OR51E2: variants seen among roughly 807,000 people sequenced by gnomAD.
The protein encoded by OR51E2 is olfactory receptor 51E2.
OR51E2 carries 14 observed loss-of-function variants against 13.7 expected under a neutral mutation model. That is an observed-to-expected ratio of 1.02 (90% CI 0.68 to 1.60). The LOEUF (loss-of-function observed/expected upper bound fraction) is 1.60. Ranked by LOEUF, OR51E2 falls within the 40% of genes most tolerant of loss-of-function variation. The probability of loss-of-function intolerance (pLI) is 0.00; values close to 1 mark genes in which losing one functional copy is unlikely to be tolerated. For missense variants in OR51E2, 483 were observed against 413.8 expected, an observed-to-expected ratio of 1.17 and a Z score of -1.45; for synonymous variants, 180 against 157.6, an observed-to-expected ratio of 1.14 and a Z score of -1.07.
chr11:4,697,112 T>C (rs1302178139), intron 1 of OR51E2, among the ~76,000 whole-genome samples: 1 of 152,244 alleles, frequency 6.6e-6, no homozygotes, highest in Non-Finnish European at 1.5e-5. Context: ...GTAAAGACAC[T>C]GAGTATCAGA....
Position 4,682,482 on chromosome 11 carries a change from A to G in OR51E2, c.230T>C (p.Met77Thr). The G allele has an allele frequency of 6.2e-7, 1 of 1,614,230 alleles. No homozygotes were observed. Among genetic ancestry groups the G allele is most frequent in the Admixed American group, 1.7e-5 (1 of 60,030 alleles). ...AIDLALSTST[M>T]PKILALFWFD... ...CCAGAAAAGGGCAAGGATCTTAGGC[A>G]TGGTGGATGTGGATAAGGCCAGGTC... is the stretch of plus-strand genomic sequence containing the variant. Residue 77 changes from methionine to threonine, a missense_variant, in exon 2 of 2, where the codon ATG (methionine) becomes ACG (threonine). Met to Thr is a moderately conservative substitution (Grantham distance 81, BLOSUM62 -1). Transcript: ENST00000396950.
intron 1 of OR51E2, among the ~76,000 whole-genome samples, chr11:4,683,181 A>T (rs917100353): frequency 1.3e-5 from 2 of 152,116 alleles, no homozygotes; most frequent in Non-Finnish European, 2.9e-5. Flanking sequence ...CAGAAGCATT[A>T]CTAGCATAAT....
At chr11:4,688,390 T>G (rs1847538947) in intron 1 of OR51E2, among the ~76,000 whole-genome samples, 2 of 152,176 alleles carry the variant, frequency 1.3e-5, no homozygotes, top group Non-Finnish European at 2.9e-5. Flanking sequence ...GTGTGAACTC[T>G]GATGTTGAAG....
At chr11:4,686,848 C>T (rs1356023488) in intron 1 of OR51E2, among the ~76,000 whole-genome samples, 3 of 151,922 alleles carry the variant, frequency 2.0e-5, no homozygotes, top group Non-Finnish European at 4.4e-5. Flanking sequence ...CACCCAGTCT[C>T]GGTGTCTACA....
At chr11:4,695,256 A>C (rs573080313) in intron 1 of OR51E2, among the ~76,000 whole-genome samples, 1 of 152,240 alleles carries the variant, frequency 6.6e-6, no homozygotes, top group South Asian at 2.1e-4. Flanking sequence ...ATCATTTTCC[A>C]TCTCTTCTCA....
chr11:4,693,156 T>C (rs1847607332), intron 1 of OR51E2, among the ~76,000 whole-genome samples: 1 of 152,220 alleles, frequency 6.6e-6, no homozygotes, highest in Admixed American at 6.5e-5. Context: ...GATATGATAA[T>C]TAGCTTGATT....
At chr11:4,684,513 G>A (rs903083724) in intron 1 of OR51E2, among the ~76,000 whole-genome samples, 4 of 152,188 alleles carry the variant, frequency 2.6e-5, no homozygotes, top group Non-Finnish European at 4.4e-5. Context: ...ATGGGACCCA[G>A]GGTGAAGAAA....
At chr11:4,695,652 G>A (rs1847646365) in intron 1 of OR51E2, among the ~76,000 whole-genome samples, 2 of 152,014 alleles carry the variant, frequency 1.3e-5, no homozygotes, top group South Asian at 4.1e-4. Context: ...TTTTCTACAT[G>A]CCAAGTCCAA....
At chr11:4,696,134 C>G (rs1847653240) in intron 1 of OR51E2, among the ~76,000 whole-genome samples, 1 of 152,098 alleles carries the variant, frequency 6.6e-6, no homozygotes, top group Non-Finnish European at 1.5e-5. Context: ...TTTTGGAGAA[C>G]AAAGCTCCTT....
Position 4,682,127 on chromosome 11 carries a change from C to T in OR51E2, c.585G>A (p.Val195=), listed in dbSNP as rs1366960024. 6.2e-7 allele frequency: 1 copy of T among 1,614,204 alleles called. No homozygotes were observed. The highest frequency in any genetic ancestry group is 8.5e-7 in the Non-Finnish European group (1 of 1,180,044). The stretch of plus-strand genomic sequence containing the variant: ...GCAGAATGGCAGTAAGACCATATAC[C>T]ACATTGGGCAAAGTGTCTGCATAGG... ...KLAYADTLPN[V]VYGLTAILLV... Residue 195 remains valine, a synonymous_variant, in exon 2 of 2, where the codon GTG becomes GTA. Coordinates refer to ENST00000396950, the MANE Select transcript of OR51E2 (RefSeq NM_030774.4).
intron 1 of OR51E2, among the ~76,000 whole-genome samples, chr11:4,696,292 C>T (rs1314241641): frequency 6.6e-6 from 1 of 152,118 alleles, no homozygotes; most frequent in Non-Finnish European, 1.5e-5. Context: ...CTTCCTCCTG[C>T]TTCATTTATC....
At chr11:4,695,763 GTTA>G (rs982745464) in intron 1 of OR51E2, among the ~76,000 whole-genome samples, 4 of 124,978 alleles carry the variant, frequency 3.2e-5, no homozygotes, top group African/African-American at 1.1e-4. Context: ...TTCAGTGATG[GTTA>G]TTCTGTGAGG....
intron 1 of OR51E2, chr11:4,690,826 T>G (rs1409270613): frequency 2.2e-6 from 1 of 453,536 alleles, no homozygotes; most frequent in African/African-American, 2.0e-5. Context: ...ACACTGTAGA[T>G]GACAGGGTTC....
chr11:4,692,447 A>G (rs947564434), intron 1 of OR51E2, among the ~76,000 whole-genome samples: 7 of 152,268 alleles, frequency 4.6e-5, no homozygotes, highest in Admixed American at 3.9e-4. Context: ...CTGGAAGACT[A>G]GTTCTCCAGA....
intron 1 of OR51E2, chr11:4,691,379 G>A (rs1241440983): frequency 2.2e-6 from 1 of 457,886 alleles, no homozygotes; most frequent in Non-Finnish European, 4.4e-6. Context: ...TGACAGTGAA[G>A]AATTTAATAA....
In OR51E2 at chr11:4,681,593, C is replaced by T; in HGVS notation, c.*156G>A. 2 of 723,388 alleles carry T rather than the reference C, an allele frequency of 2.8e-6. No homozygotes were observed. Among genetic ancestry groups the T allele is most frequent in the African/African-American group, 1.8e-5 (1 of 56,156 alleles). The allele number at this position is 723,388 out of a possible 1,614,324, so 44.8% of individuals were successfully genotyped here. A position where few individuals can be genotyped will look rare whatever the true frequency, so the allele number is the denominator to read the frequency against. On this transcript the variant is annotated 3_prime_UTR_variant, in exon 2 of 2. Transcript: ENST00000396950. The stretch of plus-strand genomic sequence containing the variant: ...TACTTCATTAGTATGTATTATTCCA[C>T]ATAATAGTCCTTTAGGTAGATGTAC...
At chr11:4,692,467 C>G (rs923350311) in intron 1 of OR51E2, among the ~76,000 whole-genome samples, 1 of 152,218 alleles carries the variant, frequency 6.6e-6, no homozygotes, top group Admixed American at 6.5e-5. Flanking sequence ...AACAGAATCT[C>G]TCTATTTTGT....
At chr11:4,694,684 C>T (rs879898395) in intron 1 of OR51E2, among the ~76,000 whole-genome samples, 2 of 151,902 alleles carry the variant, frequency 1.3e-5, no homozygotes, top group Admixed American at 1.3e-4. Flanking sequence ...ATATCTACTA[C>T]ATGCCAGACA....
intron 1 of OR51E2, among the ~76,000 whole-genome samples, chr11:4,689,731 T>G (rs530203886): frequency 3.3e-5 from 5 of 152,138 alleles, no homozygotes; most frequent in Non-Finnish European, 7.4e-5. Context: ...GTAGTCACTT[T>G]CCATTTCTGC....
Sources: allele counts gnomAD v4.1 joint callset (sites outside exome capture counted in the v4.1 genomes callset), GRCh38; gene constraint gnomAD v4.1.1; transcripts MANE v1.5; gene names NCBI Gene and HGNC (gene_info 2026-07-23, HGNC 2026-07-21).